The following RNF38 variants were observed in gnomAD, a reference collection of about 807,000 sequenced individuals.
RNF38 encodes the protein E3 ubiquitin-protein ligase RNF38.
Under a neutral mutation model 67.2 loss-of-function variants are expected in RNF38, and 15 were observed. That is an observed-to-expected ratio of 0.22 (90% CI 0.15 to 0.34). RNF38 has a LOEUF of 0.34. Ranked by LOEUF, RNF38 falls within the 10% of genes least tolerant of loss-of-function variation. The probability of loss-of-function intolerance (pLI) is 1.00; values close to 1 mark genes in which losing one functional copy is unlikely to be tolerated. For synonymous variants in RNF38, 220 were observed against 218.8 expected, an observed-to-expected ratio of 1.01 and a Z score of -0.05; for missense variants, 524 against 639.9, an observed-to-expected ratio of 0.82 and a Z score of 1.95.
rs564999850 is a variant in RNF38 at position 36,442,075 on chromosome 9, G to C, written n.242-17392C>G. Among the ~76,000 whole-genome samples, 39 of 152,236 alleles carry C rather than the reference G, an allele frequency of 2.6e-4. 1 individual carries two copies. In the South Asian group the frequency reaches 7.7e-3, roughly 30 times the overall value. ...ATAGCTTCCTCCTACTTATAAGGGG[G>C]GGAGGGGGAGAGTCAAATCTGTCCA... On this transcript the variant is annotated intron_variant and non_coding_transcript_variant, in intron 1 of 3. Transcript: ENST00000488058.
intron 1 of RNF38, among the ~76,000 whole-genome samples, chr9:36,466,689 T>A (rs1280197687): frequency 6.6e-6 from 1 of 152,170 alleles, no homozygotes; most frequent in Non-Finnish European, 1.5e-5. Context: ...ATATATATAC[T>A]ATGGTCCCAC....
At chr9:36,352,706 A>C in intron 8 of RNF38, 36 bp downstream of exon 8, 2 of 1,436,124 alleles carry the variant, frequency 1.4e-6, no homozygotes, top group Non-Finnish European at 2.0e-6. Flanking sequence ...CAAGAGTTTC[A>C]AAATTCAGAA....
At chr9:36,346,115 T>TA (rs1457617130) in intron 9 of RNF38, among the ~76,000 whole-genome samples, 2 of 152,232 alleles carry the variant, frequency 1.3e-5, no homozygotes, top group African/African-American at 4.8e-5. Context: ...TTAGGTAGAA[T>TA]AGGATAAATG....
chr9:36,347,575 T>C (rs1833364714), intron 9 of RNF38, among the ~76,000 whole-genome samples: 1 of 152,216 alleles, frequency 6.6e-6, no homozygotes, highest in Non-Finnish European at 1.5e-5. Context: ...CAAACTGTAC[T>C]TGTATAAGAC....
rs1379086067 is a variant in RNF38 at position 36,423,960 on chromosome 9, A to AG, written n.312+652_312+653insC. 7.9e-5 allele frequency among the ~76,000 whole-genome samples: 2 copies of AG among 25,172 alleles called. 1 individual carries two copies. The highest frequency in any genetic ancestry group is 5.2e-4 in the Admixed American group (2 of 3,852). The allele number at this position is 25,172 out of a possible 152,430, so 16.5% of individuals were successfully genotyped here. On this transcript the variant is annotated intron_variant and non_coding_transcript_variant, in intron 2 of 3. Transcript: ENST00000488058. ...CGAGACTCCGTCTCAAAAAAAAAAAAAAAAAAAAAAAAAGAAAAGCCCCCC... is the reference window on the plus strand; with the variant it reads ...CGAGACTCCGTCTCAAAAAAAAAAAAGAAAAAAAAAAAAAGAAAAGCCCCCC...
intron 1 of RNF38, among the ~76,000 whole-genome samples, chr9:36,395,303 A>G (rs1270616115): frequency 2.6e-5 from 4 of 152,130 alleles, no homozygotes; most frequent in Admixed American, 2.0e-4. Context: ...GCTTCTGACA[A>G]CAGCATCCTT....
intron 1 of RNF38, among the ~76,000 whole-genome samples, chr9:36,394,396 A>G (rs556286928): frequency 1.3e-5 from 2 of 152,384 alleles, no homozygotes; most frequent in African/African-American, 2.4e-5. Flanking sequence ...TGTTTTAAAC[A>G]AATAAATTTG....
intron 1 of RNF38, among the ~76,000 whole-genome samples, chr9:36,392,076 T>C (rs1587594835): frequency 6.6e-6 from 1 of 152,172 alleles, no homozygotes. Context: ...TATGGCTAGA[T>C]AGTAAGGAAG....
At chr9:36,393,518 T>G (rs1175848745) in intron 1 of RNF38, among the ~76,000 whole-genome samples, 4 of 142,112 alleles carry the variant, frequency 2.8e-5, no homozygotes, top group African/African-American at 1.1e-4. Flanking sequence ...TGTGTGTGTG[T>G]GTGTGGGGCA....
At chr9:36,379,935 A>G (rs1457149017) in intron 2 of RNF38, among the ~76,000 whole-genome samples, 1 of 152,214 alleles carries the variant, frequency 6.6e-6, no homozygotes, top group Non-Finnish European at 1.5e-5. Context: ...AGAAGATTAC[A>G]TTCACTTTTC....
intron 1 of RNF38, among the ~76,000 whole-genome samples, chr9:36,452,607 C>T (rs1180768587): frequency 1.3e-5 from 2 of 151,570 alleles, no homozygotes; most frequent in African/African-American, 2.4e-5. Context: ...AATCTCAGCT[C>T]GCTGCAACCT....
intron 4 of RNF38, among the ~76,000 whole-genome samples, chr9:36,365,662 G>GT (rs759974775): frequency 0.017 from 1,804 of 103,568 alleles, 215 homozygotes; most frequent in South Asian, 0.056. Flanking sequence ...AAGACTGATA[G>GT]TTTTTTTTTT....
At chr9:36,376,403 T>A (rs1418480030) in intron 2 of RNF38, among the ~76,000 whole-genome samples, 1 of 152,176 alleles carries the variant, frequency 6.6e-6, no homozygotes, top group Non-Finnish European at 1.5e-5. Context: ...ATATAGGGTA[T>A]AAAACAGCAT....
intron 2 of RNF38, among the ~76,000 whole-genome samples, chr9:36,384,313 C>A (rs1188937437): frequency 1.3e-5 from 2 of 151,828 alleles, no homozygotes; most frequent in East Asian, 1.9e-4. Flanking sequence ...TGAGAGATAC[C>A]CCGCCTGGAG....
chr9:36,377,105 T>C (rs1227264747), intron 2 of RNF38, among the ~76,000 whole-genome samples: 3 of 152,202 alleles, frequency 2.0e-5, no homozygotes, highest in Non-Finnish European at 4.4e-5. Context: ...TATGGATCAC[T>C]TAATTGCATT....
chr9:36,393,438 A>G (rs1262332148), intron 1 of RNF38, among the ~76,000 whole-genome samples: 1 of 149,298 alleles, frequency 6.7e-6, no homozygotes, highest in East Asian at 2.0e-4. Flanking sequence ...AATGAGGTAC[A>G]ATTTTTACTA....
intron 2 of RNF38, among the ~76,000 whole-genome samples, chr9:36,422,780 T>C (rs541444427): frequency 6.6e-6 from 1 of 152,298 alleles, no homozygotes; most frequent in East Asian, 1.9e-4. Flanking sequence ...CTTCCCTTTT[T>C]TCCCCCATAT....
At chr9:36,346,090 AAT>A (rs997363129) in intron 9 of RNF38, among the ~76,000 whole-genome samples, 3 of 152,222 alleles carry the variant, frequency 2.0e-5, no homozygotes, top group African/African-American at 2.4e-5. Flanking sequence ...CATATTAAAC[AAT>A]ACTCAGAATA....
In RNF38 at chr9:36,372,722, A is replaced by C. The variant is rs535528569; in HGVS notation, c.357-2790T>G. The C allele has an allele frequency of 6.6e-6, 3 of 455,842 alleles. No homozygotes were observed. The Admixed American group carries it at 1.2e-4, about 18-fold the overall frequency. 28.2% of individuals were successfully genotyped at this position (455,842 alleles called of 1,614,324 possible). On this transcript the variant is annotated intron_variant, in intron 3 of 11. Coordinates refer to ENST00000259605, the MANE Select transcript of RNF38 (RefSeq NM_022781.5). ...TTTTGTCTTGCTATGAACGAGGACC[A>C]TGATGCTTTTCAAAGAACTCAAAGC...
Sources: gnomAD v4.1 joint callset for allele counts (sites outside exome capture counted in the v4.1 genomes callset) on GRCh38, gnomAD v4.1.1 for gene constraint, MANE v1.5 for transcripts, NCBI Gene and HGNC (gene_info 2026-07-23, HGNC 2026-07-21) for gene names.